The following RAD52 variants were observed in gnomAD, a reference collection of about 807,000 sequenced individuals.
RAD52 encodes the protein RAD52 DNA repair protein, also known as DNA repair protein RAD52 homolog.
RAD52 carries 47 observed loss-of-function variants against 55.5 expected under a neutral mutation model. That is an observed-to-expected ratio of 0.85 (90% CI 0.67 to 1.08). The LOEUF (loss-of-function observed/expected upper bound fraction) is 1.08. Ranked by LOEUF, RAD52 falls within the 50% of genes least tolerant of loss-of-function variation. The pLI, the probability that RAD52 is intolerant of heterozygous loss-of-function variation, is 0.00. For missense variants in RAD52, 468 were observed against 522.8 expected (o/e 0.90, Z 1.02); for synonymous variants, 184 against 198.9 (o/e 0.92, Z 0.63).
chr12:983,152 A>G (rs1278459163), intron 1 of RAD52, among the ~76,000 whole-genome samples: 3 of 151,942 alleles, frequency 2.0e-5, no homozygotes, highest in Admixed American at 6.6e-5. Context: ...ACACGGCTCA[A>G]TCAGGCTTTT....
rs11571386 is a variant in RAD52 at position 948,768 on chromosome 12, C to G, written c.-19+834G>C. On this transcript the variant is annotated intron_variant, in intron 1 of 11. Coordinates refer to ENST00000358495, the MANE Select transcript of RAD52 (RefSeq NM_134424.4). ...AGGCTGGAGTGCAGTGGTGCGATGTCGGCTTACCGGCACACCTGCCTACTG... is the reference window on the plus strand; with the variant it reads ...AGGCTGGAGTGCAGTGGTGCGATGTGGGCTTACCGGCACACCTGCCTACTG... Among the ~76,000 whole-genome samples, 1,445 of 149,874 alleles carry G rather than the reference C, an allele frequency of 9.6e-3. 14 individuals are homozygous for G. The highest frequency in any genetic ancestry group is 0.014 in the Non-Finnish European group (937 of 67,620).
chr12:935,439 G>A (rs895053893), intron 1 of RAD52, among the ~76,000 whole-genome samples: 3 of 149,468 alleles, frequency 2.0e-5, no homozygotes, highest in Admixed American at 6.7e-5. Flanking sequence ...GCCCTGCAGT[G>A]GTGTGGTCTC....
chr12:951,270 A>G (rs1030439886), upstream of RAD52, among the ~76,000 whole-genome samples: 2 of 152,006 alleles, frequency 1.3e-5, no homozygotes, highest in African/African-American at 4.8e-5. Flanking sequence ...ATGTCACCAC[A>G]CCTGGCTAAT....
intron 1 of RAD52, among the ~76,000 whole-genome samples, chr12:962,094 A>G (rs958283673): frequency 6.6e-6 from 1 of 152,174 alleles, no homozygotes; most frequent in African/African-American, 2.4e-5. Flanking sequence ...TAGTTATGGC[A>G]GCCCTAGCAA....
At chr12:913,831 A>C in intron 11 of RAD52, 63 bp downstream of exon 11, 6 of 1,468,282 alleles carry the variant, frequency 4.1e-6, no homozygotes, top group Non-Finnish European at 5.7e-6. Context: ...CCTTCCTCAA[A>C]AATTCCCAGA....
chr12:965,835 C>A (rs183569956), intron 1 of RAD52, among the ~76,000 whole-genome samples: 4 of 151,796 alleles, frequency 2.6e-5, no homozygotes, highest in African/African-American at 9.7e-5. Context: ...TACACATATG[C>A]ACCACCACAC....
intron 2 of RAD52, 67 bp from the exon 3 acceptor site, chr12:931,388 C>G: frequency 8.5e-7 from 1 of 1,182,270 alleles, no homozygotes; most frequent in Admixed American, 2.2e-5. Context: ...AGTCTCCATC[C>G]TTTATGGAGA....
intron 1 of RAD52, among the ~76,000 whole-genome samples, chr12:971,722 A>G (rs752158229): frequency 1.3e-5 from 2 of 152,198 alleles, no homozygotes; most frequent in South Asian, 2.1e-4. Flanking sequence ...GATACTCTCC[A>G]CATAATTGCT....
chr12:967,293 C>T (rs887527552), intron 1 of RAD52, among the ~76,000 whole-genome samples: 13 of 151,088 alleles, frequency 8.6e-5, no homozygotes, highest in African/African-American at 2.9e-4. Flanking sequence ...GTGGGAGGAT[C>T]GCTTGAGCCC....
rs1356418356 is a variant in RAD52 at position 912,292 on chromosome 12, T to C, written c.*1099A>G. 5.0e-6 allele frequency: 1 copy of C among 198,030 alleles called. No homozygotes were observed. The highest frequency in any genetic ancestry group is 2.3e-5 in the African/African-American group (1 of 43,272). The allele number at this position is 198,030 out of a possible 1,614,324, so 12.3% of individuals were successfully genotyped here. On this transcript the variant is annotated 3_prime_UTR_variant, in exon 12 of 12. Coordinates refer to ENST00000358495, the MANE Select transcript of RAD52 (RefSeq NM_134424.4). ...AAAGCACCAGGCATACAACAGTTTA[T>C]GCAGCGACCCTAAGAGAAAAAAAAA...
chr12:942,589 A>G (rs1463626735), intron 1 of RAD52, among the ~76,000 whole-genome samples: 1 of 152,148 alleles, frequency 6.6e-6, no homozygotes, highest in African/African-American at 2.4e-5. Flanking sequence ...TCTAATAAAA[A>G]TACAAAAATT....
chr12:946,876 T>C (rs1310239159), intron 1 of RAD52, among the ~76,000 whole-genome samples: 1 of 152,184 alleles, frequency 6.6e-6, no homozygotes, highest in South Asian at 2.1e-4. Flanking sequence ...AACTACACCG[T>C]TTATACTACA....
intron 9 of RAD52, among the ~76,000 whole-genome samples, chr12:915,090 C>T (rs189158613): frequency 1.1e-4 from 17 of 152,286 alleles, no homozygotes; most frequent in African/African-American, 3.9e-4. Context: ...ACCCTGATCC[C>T]GCCACTGCAC....
intron 7 of RAD52, among the ~76,000 whole-genome samples, chr12:920,634 G>T (rs1183942009): frequency 1.3e-5 from 2 of 151,742 alleles, no homozygotes; most frequent in Non-Finnish European, 2.9e-5. Flanking sequence ...AACACCAGAG[G>T]TCCTAAATAT....
Position 962,496 on chromosome 12 carries a change from C to T in RAD52, c.-19+27313G>A, listed in dbSNP as rs1322840515. On this transcript the variant is annotated intron_variant, in intron 1 of 11. Coordinates refer to the RAD52 transcript ENST00000430095. ...CTGGGACTACAGGTGCCCGCCACCACGCCTGGCTAATTTTTTTTTTTTTTG... is the reference window on the plus strand; with the variant it reads ...CTGGGACTACAGGTGCCCGCCACCATGCCTGGCTAATTTTTTTTTTTTTTG... 4.0e-5 allele frequency among the ~76,000 whole-genome samples: 6 copies of T among 151,012 alleles called. No homozygotes were observed. The East Asian group carries it at 7.8e-4, about 20-fold the overall frequency.
chr12:914,896 A>G (rs776446070), intron 9 of RAD52, among the ~76,000 whole-genome samples: 4 of 152,164 alleles, frequency 2.6e-5, no homozygotes, highest in South Asian at 2.1e-4. Flanking sequence ...AGTGGCTCAC[A>G]CCTGTAACCC....
chr12:970,719 C>CAT (rs1958835065), intron 1 of RAD52, among the ~76,000 whole-genome samples: 1 of 152,074 alleles, frequency 6.6e-6, no homozygotes, highest in Non-Finnish European at 1.5e-5. Flanking sequence ...TTCAGAATGG[C>CAT]ATTTGGGAGT....
intron 1 of RAD52, among the ~76,000 whole-genome samples, chr12:967,947 T>C (rs1284492953): frequency 2.6e-5 from 4 of 152,068 alleles, no homozygotes; most frequent in Non-Finnish European, 5.9e-5. Context: ...CCTCCCAAAG[T>C]GCTGGGATTA....
chr12:947,558 C>T (rs1027373606), intron 1 of RAD52, among the ~76,000 whole-genome samples: 2 of 136,700 alleles, frequency 1.5e-5, no homozygotes, highest in Non-Finnish European at 3.1e-5. Flanking sequence ...CTGAGAGAAA[C>T]TCTGTCCCCC....
Sources: gnomAD v4.1 joint callset for allele counts (sites outside exome capture counted in the v4.1 genomes callset) on GRCh38, gnomAD v4.1.1 for gene constraint, MANE v1.5 for transcripts, NCBI Gene and HGNC (gene_info 2026-07-23, HGNC 2026-07-21) for gene names.